Variants in LYPD6B observed in about 807,000 individuals in gnomAD.
LYPD6B encodes the protein LY6/PLAUR domain containing 6B.
In LYPD6B, 17 loss-of-function variants were observed where a neutral mutation model predicts 22.8. That is an observed-to-expected ratio of 0.75 (90% CI 0.51 to 1.12). The LOEUF (loss-of-function observed/expected upper bound fraction) is 1.12. Ranked by LOEUF, LYPD6B falls within the 50% of genes most tolerant of loss-of-function variation. The pLI is 0.00. For synonymous variants in LYPD6B, 106 were observed against 91.6 expected (o/e 1.16, Z -0.90); for missense variants, 221 against 258.3 (o/e 0.86, Z 0.99).
intron 1 of LYPD6B, among the ~76,000 whole-genome samples, chr2:149,118,798 T>C (rs1687135809): frequency 6.6e-6 from 1 of 152,210 alleles, no homozygotes. Context: ...TGGGCTGAAA[T>C]TTGAACCCAG....
intron 1 of LYPD6B, among the ~76,000 whole-genome samples, chr2:149,054,561 G>T (rs777197729): frequency 2.1e-4 from 32 of 152,128 alleles, no homozygotes; most frequent in Non-Finnish European, 3.4e-4. Flanking sequence ...CATTCTCTTA[G>T]TAGTATCTTT....
At chr2:149,070,433 T>A (rs562795065) in intron 1 of LYPD6B, among the ~76,000 whole-genome samples, 1 of 152,316 alleles carries the variant, frequency 6.6e-6, no homozygotes, top group Non-Finnish European at 1.5e-5. Context: ...TAACACACTA[T>A]AAAATTTTAA....
At chr2:149,180,343 A>AT (rs1204897374) in intron 3 of LYPD6B, among the ~76,000 whole-genome samples, 1 of 152,158 alleles carries the variant, frequency 6.6e-6, no homozygotes, top group Admixed American at 6.5e-5. Context: ...GGATTTAATG[A>AT]TTCCCTGCTT....
intron 1 of LYPD6B, among the ~76,000 whole-genome samples, chr2:149,089,153 C>T (rs1168829459): frequency 6.6e-6 from 1 of 152,178 alleles, no homozygotes; most frequent in Non-Finnish European, 1.5e-5. Context: ...TGTTATTTTT[C>T]AATATTGAAA....
chr2:149,038,856 C>A (rs1574853773), intron 1 of LYPD6B, 55 bp downstream of exon 1: 1 of 150,336 alleles, frequency 6.7e-6, no homozygotes, highest in African/African-American at 2.4e-5. Context: ...GACGGCTCAC[C>A]CCGCGCCGGA....
At chr2:149,164,294 A>G (rs1690280135) in intron 3 of LYPD6B, among the ~76,000 whole-genome samples, 1 of 152,120 alleles carries the variant, frequency 6.6e-6, no homozygotes, top group African/African-American at 2.4e-5. Context: ...TCATACTAAT[A>G]CAGTGTGTTT....
chr2:149,127,536 C>G (rs12465819), intron 1 of LYPD6B, among the ~76,000 whole-genome samples: 80,349 of 152,082 alleles, frequency 0.53, 21,566 homozygotes, highest in East Asian at 0.85. Context: ...ACCCTGACTT[C>G]TGTGTGTGCT....
intron 3 of LYPD6B, among the ~76,000 whole-genome samples, chr2:149,182,645 A>G (rs1575136055): frequency 6.6e-6 from 1 of 152,182 alleles, no homozygotes; most frequent in East Asian, 1.9e-4. Context: ...AGTCCCTTGA[A>G]TCAGCACTGC....
At chr2:149,194,443 G>T (rs1692677976) in intron 3 of LYPD6B, among the ~76,000 whole-genome samples, 2 of 152,130 alleles carry the variant, frequency 1.3e-5, no homozygotes, top group South Asian at 4.1e-4. Flanking sequence ...GTTAATAAAG[G>T]GACTGTTTAC....
At chr2:149,120,377 ATATATATTTTTTT>A (rs1322266619) in intron 1 of LYPD6B, among the ~76,000 whole-genome samples, 1 of 43,146 alleles carries the variant, frequency 2.3e-5, no homozygotes, top group Non-Finnish European at 3.7e-5. Flanking sequence ...ATATATATAT[ATATATATTTTTTT>A]TTTTTTTTTT....
In LYPD6B at chr2:149,214,923, T is replaced by C. The variant is rs746422191; in HGVS notation, c.*213T>C. On this transcript the variant is annotated 3_prime_UTR_variant, in exon 7 of 7. Coordinates refer to ENST00000409642, the MANE Select transcript of LYPD6B (RefSeq NM_177964.5). Reference sequence around the variant, plus strand: ...AATTTGGCAGGGCCTGAGAAGATGGTCTGACTTCCAGGCTTCCTGGTCAAA... The same window carrying C: ...AATTTGGCAGGGCCTGAGAAGATGGCCTGACTTCCAGGCTTCCTGGTCAAA... 7.2e-5 allele frequency: 41 copies of C among 571,732 alleles called. No homozygotes were observed. Among genetic ancestry groups the C allele is most frequent in the Admixed American group, 3.0e-4 (10 of 33,164 alleles). 35.4% of individuals were successfully genotyped at this position (571,732 alleles called of 1,614,324 possible). A position where few individuals can be genotyped will look rare whatever the true frequency, so the allele number is the denominator to read the frequency against.
intron 1 of LYPD6B, among the ~76,000 whole-genome samples, chr2:149,060,077 T>C (rs1040261240): frequency 1.3e-5 from 2 of 152,104 alleles, no homozygotes; most frequent in African/African-American, 4.8e-5. Context: ...GGCACTGAGC[T>C]ATGCAGGGCC....
chr2:149,071,631 A>T (rs1341561456), intron 1 of LYPD6B, among the ~76,000 whole-genome samples: 1 of 152,212 alleles, frequency 6.6e-6, no homozygotes, highest in East Asian at 1.9e-4. Flanking sequence ...GACACTTAAC[A>T]AGGACTGAGC....
intron 1 of LYPD6B, among the ~76,000 whole-genome samples, chr2:149,123,276 A>G (rs1687490139): frequency 6.6e-6 from 1 of 152,074 alleles, no homozygotes; most frequent in Non-Finnish European, 1.5e-5. Flanking sequence ...CTTGAATGCT[A>G]TTGGCTTTAT....
At chr2:149,126,961 G>A (rs1687735817) in intron 1 of LYPD6B, among the ~76,000 whole-genome samples, 1 of 148,210 alleles carries the variant, frequency 6.7e-6, no homozygotes, top group Admixed American at 6.7e-5. Flanking sequence ...GCTTTGTCAG[G>A]TCAGTAATTC....
chr2:149,070,307 G>T (rs1684537084), intron 1 of LYPD6B, among the ~76,000 whole-genome samples: 1 of 152,082 alleles, frequency 6.6e-6, no homozygotes, highest in South Asian at 2.1e-4. Context: ...TCAAATAGTG[G>T]CTTCTCCCTG....
chr2:149,146,298 G>A (rs1419865310), intron 2 of LYPD6B, among the ~76,000 whole-genome samples: 1 of 152,146 alleles, frequency 6.6e-6, no homozygotes, highest in Non-Finnish European at 1.5e-5. Flanking sequence ...TCTCCAGGCT[G>A]AGTGGTGCAT....
At chr2:149,134,206 A>G (rs1426558065) in intron 2 of LYPD6B, among the ~76,000 whole-genome samples, 1 of 152,184 alleles carries the variant, frequency 6.6e-6, no homozygotes, top group Admixed American at 6.5e-5. Context: ...GGATGGAGTC[A>G]GCTTATCCCT....
chr2:149,160,363 T>G (rs535977418), intron 2 of LYPD6B: 1 of 451,882 alleles, frequency 2.2e-6, no homozygotes. Flanking sequence ...GTCTTCATTG[T>G]GGATGTGTTG....
Sources: gnomAD v4.1 joint callset for allele counts (sites outside exome capture counted in the v4.1 genomes callset) on GRCh38, gnomAD v4.1.1 for gene constraint, MANE v1.5 for transcripts, NCBI Gene and HGNC (gene_info 2026-07-23, HGNC 2026-07-21) for gene names.